Variants in PCDHGA6 observed in about 807,000 individuals in gnomAD.
The protein encoded by PCDHGA6 is protocadherin gamma subfamily A, 6.
Under a neutral mutation model 60.6 loss-of-function variants are expected in PCDHGA6, and 41 were observed. The ratio of observed to expected loss-of-function variants is 0.68; its 90% CI spans 0.53 to 0.88. The LOEUF (loss-of-function observed/expected upper bound fraction) is 0.88, where lower values mean the gene tolerates loss of function less well. Ranked by LOEUF, PCDHGA6 falls within the 40% of genes least tolerant of loss-of-function variation. The pLI, the probability that PCDHGA6 is intolerant of heterozygous loss-of-function variation, is 0.00. For missense variants in PCDHGA6, 1,312 were observed against 1,203.0 expected (o/e 1.09, Z -1.34); for synonymous variants, 594 against 524.4 (o/e 1.13, Z -1.81).
At chr5:141,419,946 T>C in intron 1 of PCDHGA6, 1 of 1,614,086 alleles carries the variant, frequency 6.2e-7, no homozygotes, top group Non-Finnish European at 8.5e-7. Context: ...GTGGTGGCCT[T>C]GGCCTTGATT....
chr5:141,422,397 C>T (rs753017439), intron 1 of PCDHGA6: 4 of 1,597,606 alleles, frequency 2.5e-6, no homozygotes, highest in East Asian at 4.5e-5. Context: ...TTCCTAACCA[C>T]CTGCCTTTTA....
intron 1 of PCDHGA6, among the ~76,000 whole-genome samples, chr5:141,454,268 G>A (rs2098785692): frequency 6.6e-6 from 1 of 152,126 alleles, no homozygotes; most frequent in African/African-American, 2.4e-5. Context: ...AGTAATGCCA[G>A]CAAAAACTTC....
At position 141,487,681 on chromosome 5, in the gene PCDHGA6, T is replaced by C. The variant is rs754032560; in HGVS notation, c.2425-7126T>C. The stretch of plus-strand genomic sequence containing the variant: ...CTGATCCAGGCATATGGCTAGGCCA[T>C]GTCCTAGAGAGTACTGGCCTCTCAG... On this transcript the variant is annotated intron_variant, in intron 1 of 3. Coordinates refer to ENST00000517434, the MANE Select transcript of PCDHGA6 (RefSeq NM_018919.3). The surrounding 1 kb of genome is among the most constrained non-coding windows in gnomAD (Gnocchi z 5.0). 1.1e-5 allele frequency: 18 copies of C among 1,608,852 alleles called. No individual in the cohort carries two copies. The highest frequency in any genetic ancestry group is 4.5e-5 in the East Asian group (2 of 44,816).
At chr5:141,393,348 T>G in intron 1 of PCDHGA6, 1 of 1,613,848 alleles carries the variant, frequency 6.2e-7, no homozygotes, top group Non-Finnish European at 8.5e-7. Context: ...TCACCACTTC[T>G]CCCTGGACGT....
chr5:141,449,774 A>G (rs541830970), intron 1 of PCDHGA6, among the ~76,000 whole-genome samples: 2 of 151,714 alleles, frequency 1.3e-5, no homozygotes, highest in African/African-American at 4.8e-5. Flanking sequence ...AAGTTGTAGA[A>G]ATTATGTTTC....
At chr5:141,465,323 G>A (rs757662972) in intron 1 of PCDHGA6, among the ~76,000 whole-genome samples, 1 of 152,138 alleles carries the variant, frequency 6.6e-6, no homozygotes, top group Non-Finnish European at 1.5e-5. Flanking sequence ...TGTCAATGCA[G>A]TATTTTTTAT....
At position 141,489,720 on chromosome 5, in the gene PCDHGA6, G is replaced by T. The variant is rs560729125; in HGVS notation, c.2425-5087G>T. 1.9e-6 allele frequency: 3 copies of T among 1,614,200 alleles called. No individual in the cohort carries two copies. Among genetic ancestry groups the T allele is most frequent in the Middle Eastern group, 1.6e-4 (1 of 6,062 alleles). ...TCCCACTGGACAGTGCCCAGGATCC[G>T]GATGTGGGCACCAATACTGTGAGCT... On this transcript the variant is annotated intron_variant, in intron 1 of 3. Transcript: ENST00000517434. This position sits in a 1 kb window ranked among gnomAD's most constrained non-coding sequence, Gnocchi z 4.5.
intron 1 of PCDHGA6, among the ~76,000 whole-genome samples, chr5:141,492,862 G>A (rs2099744602): frequency 6.6e-6 from 1 of 152,198 alleles, no homozygotes. Context: ...GAGCGCCCTG[G>A]CTCTCAACCC....
chr5:141,462,792 G>C (rs2099046915), intron 1 of PCDHGA6, among the ~76,000 whole-genome samples: 1 of 152,080 alleles, frequency 6.6e-6, no homozygotes, highest in Admixed American at 6.6e-5. Flanking sequence ...TTGCTTATTT[G>C]CATGTCTAAT....
chr5:141,393,315 C>A, intron 1 of PCDHGA6: 1 of 1,613,104 alleles, frequency 6.2e-7, no homozygotes. Flanking sequence ...GAACTCCCTC[C>A]AGAGCTACCA....
In PCDHGA6 at chr5:141,490,390, G is replaced by C. The variant is rs2099699651; in HGVS notation, c.2425-4417G>C. The C allele has an allele frequency of 6.2e-7, 1 of 1,614,074 alleles. No individual in the cohort carries two copies. The highest frequency in any genetic ancestry group is 8.5e-7 in the Non-Finnish European group (1 of 1,180,040). On this transcript the variant is annotated intron_variant, in intron 1 of 3. Coordinates refer to ENST00000517434, the MANE Select transcript of PCDHGA6 (RefSeq NM_018919.3). This position sits in a 1 kb window ranked among gnomAD's most constrained non-coding sequence, Gnocchi z 5.4. ...AGACCGGGACTCAGGTAGAAATGGT[G>C]AAGTGAGCCTTGATATCTCTCCGGA... is the stretch of plus-strand genomic sequence containing the variant.
intron 1 of PCDHGA6, among the ~76,000 whole-genome samples, chr5:141,438,623 T>C (rs1485045684): frequency 2.3e-4 from 10 of 42,840 alleles, no homozygotes; most frequent in Non-Finnish European, 3.8e-4. Flanking sequence ...TATATATATA[T>C]ATATATATAT....
In PCDHGA6 at chr5:141,400,210, A is replaced by C. The variant is rs201102949; in HGVS notation, c.2424+23703A>C. 1.2e-3 allele frequency: 1,976 copies of C among 1,613,732 alleles called. 4 individuals are homozygous for C. The highest frequency in any genetic ancestry group is 1.6e-3 in the Non-Finnish European group (1,832 of 1,179,862). ...TTACCTAGTGGTGGCCTTGGCCTTG[A>C]TCTCAGTGCTCTTCCTCCTGGCCGT... On this transcript the variant is annotated intron_variant, in intron 1 of 3. Coordinates refer to ENST00000517434, the MANE Select transcript of PCDHGA6 (RefSeq NM_018919.3).
At chr5:141,384,585 C>G in intron 1 of PCDHGA6, 2 of 1,614,246 alleles carry the variant, frequency 1.2e-6, no homozygotes, top group South Asian at 1.1e-5. Context: ...CGCCCGAGAT[C>G]CTGTACCCGG....
At chr5:141,408,818 A>G in intron 1 of PCDHGA6, 1 of 1,613,578 alleles carries the variant, frequency 6.2e-7, no homozygotes, top group South Asian at 1.1e-5. Flanking sequence ...GGAAGAACAG[A>G]GATCTCATAG....
intron 1 of PCDHGA6, chr5:141,389,984 C>G: frequency 6.2e-7 from 1 of 1,614,070 alleles, no homozygotes; most frequent in Non-Finnish European, 8.5e-7. Flanking sequence ...TCTCAGTGCT[C>G]TTCCTCGTGG....
Position 141,427,950 on chromosome 5 carries a change from A to C in PCDHGA6, c.2424+51443A>C, listed in dbSNP as rs773336611. The stretch of plus-strand genomic sequence containing the variant: ...CATGTTGGTGGGCGACCTCAATGAC[A>C]ATGTGCCGCGGGTGCTGTACCCCGC... On this transcript the variant is annotated intron_variant, in intron 1 of 3. Transcript: ENST00000517434. 7 of 1,586,816 alleles carry C rather than the reference A, an allele frequency of 4.4e-6. No individual in the cohort carries two copies. The African/African-American group carries it at 8.1e-5, about 18-fold the overall frequency.
In PCDHGA6 at chr5:141,410,849, CTTTTTTT is replaced by C. The variant is rs759346998; in HGVS notation, c.2424+34358_2424+34364del. 8.7e-3 allele frequency: 1,205 copies of C among 138,184 alleles called. 49 individuals are homozygous for C. Among genetic ancestry groups the C allele is most frequent in the African/African-American group, 0.064 (1,073 of 16,650 alleles). 8.6% of individuals were successfully genotyped at this position (138,184 alleles called of 1,614,324 possible). ...CAGACTGAAGATATTTTGTCTTTGT[CTTTTTTT>C]TTTTTTTTTTTTTTTGAGATGGAGT... is the stretch of plus-strand genomic sequence containing the variant. On this transcript the variant is annotated intron_variant, in intron 1 of 3. Coordinates refer to ENST00000517434, the MANE Select transcript of PCDHGA6 (RefSeq NM_018919.3).
rs186490614 is a variant in PCDHGA6 at position 141,415,986 on chromosome 5, T to A, written c.2424+39479T>A. 2.6e-4 allele frequency: 85 copies of A among 328,664 alleles called. 1 individual carries two copies. The highest frequency in any genetic ancestry group is 1.7e-3 in the African/African-American group (80 of 46,398). 20.4% of individuals were successfully genotyped at this position (328,664 alleles called of 1,614,324 possible). On this transcript the variant is annotated intron_variant, in intron 1 of 3. Transcript: ENST00000517434. ...CCAGCCCCTTAAGCAACCCTCTTGT[T>A]CTGAAGGCAGGTCTGGTAAGAATAG...
Sources: gnomAD v4.1 joint callset for allele counts (sites outside exome capture counted in the v4.1 genomes callset) on GRCh38, gnomAD v4.1.1 for gene constraint, Gnocchi (gnomAD v3.1) non-coding constraint, MANE v1.5 for transcripts, NCBI Gene and HGNC (gene_info 2026-07-23, HGNC 2026-07-21) for gene names.